Variants in DEAF1 observed in about 807,000 individuals in gnomAD.
DEAF1 encodes DEAF1 transcription factor.
Under a neutral mutation model 58.9 loss-of-function variants are expected in DEAF1, and 53 were observed. The observed-to-expected ratio is 0.90, with a 90% CI of 0.72 to 1.13. The LOEUF (loss-of-function observed/expected upper bound fraction) is 1.13, where lower values mean the gene tolerates loss of function less well. Among genes scored for constraint, DEAF1 ranks in the 50% most tolerant of loss-of-function variants. The pLI, the probability that DEAF1 is intolerant of heterozygous loss-of-function variation, is 0.00. For synonymous variants in DEAF1, 385 were observed against 340.4 expected (o/e 1.13, Z -1.44); for missense variants, 685 against 791.4 (o/e 0.87, Z 1.61).
intron 11 of DEAF1, among the ~76,000 whole-genome samples, chr11:645,181 T>C (rs1424385276): frequency 1.5e-5 from 2 of 134,160 alleles, no homozygotes; most frequent in Admixed American, 7.5e-5. Flanking sequence ...AAAAAAAAAG[T>C]CAAACAACAA....
intron 7 of DEAF1, among the ~76,000 whole-genome samples, 159 bp downstream of exon 7, chr11:680,804 G>A (rs1272463737): frequency 6.6e-6 from 1 of 152,182 alleles, no homozygotes; most frequent in Non-Finnish European, 1.5e-5. Context: ...TCCCACCCGG[G>A]GGACGCACTG....
chr11:684,178 G>T (rs1860488011), intron 6 of DEAF1, among the ~76,000 whole-genome samples: 1 of 151,258 alleles, frequency 6.6e-6, no homozygotes, highest in Non-Finnish European at 1.5e-5. Context: ...AACACTTTGG[G>T]AGGCTGAGGC....
At chr11:683,499 G>C (rs1860459807) in intron 6 of DEAF1, among the ~76,000 whole-genome samples, 2 of 152,076 alleles carry the variant, frequency 1.3e-5, no homozygotes, top group Non-Finnish European at 2.9e-5. Flanking sequence ...CTTGATTACT[G>C]TCACGAGCCC....
intron 10 of DEAF1, among the ~76,000 whole-genome samples, chr11:656,330 A>G (rs754792793): frequency 1.7e-4 from 26 of 151,328 alleles, no homozygotes; most frequent in Non-Finnish European, 2.8e-4. Context: ...TAATTTTTGT[A>G]TTTTTAGTAG....
chr11:702,850 C>T (rs768705958), intron 1 of DEAF1: 4 of 1,241,234 alleles, frequency 3.2e-6, no homozygotes, highest in Admixed American at 4.7e-5. Context: ...GGGCAAGGAG[C>T]TGCTCTGGTC....
intron 5 of DEAF1, 116 bp from the exon 6 acceptor site, chr11:685,079 A>ATTATT: frequency 1.7e-6 from 1 of 595,212 alleles, no homozygotes; most frequent in Non-Finnish European, 2.6e-6. Flanking sequence ...AAATATAAAA[A>ATTATT]TTCTTTTTTT....
rs753352080 is a variant in DEAF1 at position 681,105 on chromosome 11, G to A, written c.871-16C>T. The A allele has an allele frequency of 4.3e-6, 7 of 1,613,714 alleles. 1 individual carries two copies. The highest frequency in any genetic ancestry group is 1.8e-4 in the Middle Eastern group (1 of 5,676). ...CTGGGCCACTCTGGGGGAGAAAGGA[G>A]AGAGGCCACCACCTTCATGTGTGCA... On this transcript the variant is annotated splice_polypyrimidine_tract_variant and intron_variant, in intron 6 of 11. Coordinates refer to ENST00000382409, the MANE Select transcript of DEAF1 (RefSeq NM_021008.4).
chr11:678,672 G>T, intron 9 of DEAF1, 22 bp downstream of exon 9: 1 of 1,613,826 alleles, frequency 6.2e-7, no homozygotes, highest in Non-Finnish European at 8.5e-7. Flanking sequence ...ACCTGTACAT[G>T]TGTGAATTCT....
intron 9 of DEAF1, among the ~76,000 whole-genome samples, chr11:676,893 C>G (rs982057594): frequency 3.3e-5 from 5 of 152,186 alleles, no homozygotes; most frequent in Non-Finnish European, 5.9e-5. Context: ...GGGGCAAACT[C>G]ATGGTTTTCA....
At chr11:676,300 ACCCCCAGCACCCGACATC>A (rs1428716329) in intron 9 of DEAF1, among the ~76,000 whole-genome samples, 8 of 30,998 alleles carry the variant, frequency 2.6e-4, no homozygotes, top group Non-Finnish European at 4.0e-4. Flanking sequence ...AGCACCCGAC[ACCCCCAGCACCCGACATC>A]CCCCCAGCAC....
At chr11:694,361 C>A (rs1590026317) in intron 1 of DEAF1, 3 of 122,620 alleles carry the variant, frequency 2.4e-5, no homozygotes, top group Non-Finnish European at 3.1e-5. Context: ...GGCAGGTGTG[C>A]GGGGCAGGTA....
chr11:644,409 T>C lies in DEAF1; in HGVS notation c.*141A>G. 1.4e-6 allele frequency: 1 copy of C among 723,456 alleles called. No individual in the cohort carries two copies. Among genetic ancestry groups the C allele is most frequent in the South Asian group, 1.5e-5 (1 of 66,662 alleles). The allele number at this position is 723,456 out of a possible 1,614,324, so 44.8% of individuals were successfully genotyped here. ...AGGGCACCATTCGCTTAAAGTGTGT[T>C]AATGACTTGTCCAGCAAGTTTCTTT... On this transcript the variant is annotated 3_prime_UTR_variant, in exon 12 of 12. Transcript: ENST00000382409. This position sits in a 1 kb window ranked among gnomAD's most constrained non-coding sequence, Gnocchi z 4.3.
At chr11:662,497 A>G (rs568842661) in intron 10 of DEAF1, among the ~76,000 whole-genome samples, 15 of 150,196 alleles carry the variant, frequency 1.0e-4, no homozygotes, top group African/African-American at 3.4e-4. Flanking sequence ...CCAACATGCG[A>G]CCACCTTCCT....
intron 10 of DEAF1, among the ~76,000 whole-genome samples, chr11:655,767 C>G (rs1859019947): frequency 6.6e-6 from 1 of 152,248 alleles, no homozygotes; most frequent in Non-Finnish European, 1.5e-5. Context: ...CTTCAGAAAA[C>G]AGGAGCATTA....
intron 10 of DEAF1, among the ~76,000 whole-genome samples, chr11:658,444 A>G (rs1223550106): frequency 6.6e-6 from 1 of 152,172 alleles, no homozygotes; most frequent in Non-Finnish European, 1.5e-5. Context: ...CAAAAACAAA[A>G]AACCATTCAT....
At chr11:653,926 G>T in intron 11 of DEAF1, 36 bp downstream of exon 11, 2 of 1,594,892 alleles carry the variant, frequency 1.3e-6, no homozygotes, top group Non-Finnish European at 1.7e-6. Flanking sequence ...CGAGGGAGGA[G>T]GCGGGGGCAC....
intron 11 of DEAF1, among the ~76,000 whole-genome samples, 199 bp downstream of exon 11, chr11:653,763 A>G (rs1858907365): frequency 6.6e-6 from 1 of 152,158 alleles, no homozygotes; most frequent in Admixed American, 6.5e-5. Context: ...CTCACATGAG[A>G]GCACTACCTG....
rs776547415 is a variant in DEAF1, at chr11:688,840, C to T, written c.388-380G>A. ...CCACAGACAAGGCCTTGTGCAGGACCGCCCTCCAGACCTCCTTACAGATGG... is the reference window on the plus strand; with the variant it reads ...CCACAGACAAGGCCTTGTGCAGGACTGCCCTCCAGACCTCCTTACAGATGG... On this transcript the variant is annotated intron_variant, in intron 2 of 11. Coordinates refer to ENST00000382409, the MANE Select transcript of DEAF1 (RefSeq NM_021008.4). The surrounding 1 kb of genome is among the most constrained non-coding windows in gnomAD (Gnocchi z 4.3). Among the ~76,000 whole-genome samples, 1 of 152,178 alleles carries T rather than the reference C, an allele frequency of 6.6e-6. No individual in the cohort carries two copies. The highest frequency in any genetic ancestry group is 6.5e-5 in the Admixed American group (1 of 15,268).
At chr11:648,071 G>A (rs1157580650) in intron 11 of DEAF1, among the ~76,000 whole-genome samples, 1 of 150,466 alleles carries the variant, frequency 6.6e-6, no homozygotes, top group African/African-American at 2.4e-5. Context: ...GCAGGTGGGT[G>A]GACTTGACCC....
Sources: allele counts gnomAD v4.1 joint callset (sites outside exome capture counted in the v4.1 genomes callset), GRCh38; gene constraint gnomAD v4.1.1; non-coding constraint Gnocchi (gnomAD v3.1); transcripts MANE v1.5; gene names NCBI Gene and HGNC (gene_info 2026-07-23, HGNC 2026-07-21).